Variants in GDPD5 observed in about 807,000 individuals in gnomAD.
GDPD5 encodes the protein glycerophosphodiester phosphodiesterase domain containing 5, also known as glycerophosphodiester phosphodiesterase 2.
Under a neutral mutation model 75.1 loss-of-function variants are expected in GDPD5, and 48 were observed. That is an observed-to-expected ratio of 0.64 (90% CI 0.51 to 0.81). GDPD5 has a LOEUF of 0.81. Among genes scored for constraint, GDPD5 ranks in the 40% least tolerant of loss-of-function variants. GDPD5 has a pLI of 0.00. For synonymous variants in GDPD5, 336 were observed against 339.0 expected (o/e 0.99, Z 0.10); for missense variants, 706 against 822.6 (o/e 0.86, Z 1.73).
intron 1 of GDPD5, among the ~76,000 whole-genome samples, chr11:75,497,288 G>T (rs190702220): frequency 2.4e-4 from 37 of 152,242 alleles, no homozygotes; most frequent in Admixed American, 2.2e-3. Context: ...CACACCAAGC[G>T]CATCATGTGA....
intron 1 of GDPD5, among the ~76,000 whole-genome samples, chr11:75,517,048 T>A (rs1270968497): frequency 1.3e-5 from 2 of 152,164 alleles, no homozygotes; most frequent in Non-Finnish European, 2.9e-5. Flanking sequence ...TCTTGGCCCA[T>A]CCTATGGAAC....
intron 13 of GDPD5, 104 bp downstream of exon 13, chr11:75,441,542 C>T: frequency 9.0e-7 from 1 of 1,112,764 alleles, no homozygotes; most frequent in Non-Finnish European, 1.2e-6. Flanking sequence ...CTCTGCCCGA[C>T]CGTGTGTGTG....
intron 4 of GDPD5, among the ~76,000 whole-genome samples, chr11:75,460,726 A>T (rs1949392723): frequency 1.3e-5 from 2 of 152,056 alleles, no homozygotes; most frequent in South Asian, 4.2e-4. Context: ...GATTACAGGC[A>T]TGAGTCATTG....
At chr11:75,499,478 T>C (rs1950267870) in intron 1 of GDPD5, among the ~76,000 whole-genome samples, 1 of 150,256 alleles carries the variant, frequency 6.7e-6, no homozygotes, top group Non-Finnish European at 1.5e-5. Context: ...AGTCTTCAAA[T>C]TCCTCTGGTT....
Position 75,441,765 on chromosome 11 carries a change from CCG to C in GDPD5, c.1204_1205del (p.Arg402GlufsTer74). 6.2e-7 allele frequency: 1 copy of C among 1,611,186 alleles called. No homozygotes were observed. The highest frequency in any genetic ancestry group is 8.5e-7 in the Non-Finnish European group (1 of 1,179,896). The part of the protein sequence containing the change: ...WLPSRQRPLV[R>X]KVAPGFQQTS... ...TCTGTTGGAAGCCGGGAGCCACCTT[CCG>C]CACCAGGGGCCTCTGCCTGCTAGGC... On this transcript the variant is annotated frameshift_variant, in exon 13 of 17. Transcript: ENST00000336898. LOFTEE classifies it high-confidence loss of function.
intron 1 of GDPD5, among the ~76,000 whole-genome samples, chr11:75,518,651 C>T (rs1950692959): frequency 6.6e-6 from 1 of 152,192 alleles, no homozygotes; most frequent in Admixed American, 6.5e-5. Flanking sequence ...GGATTTATTA[C>T]CCTGACCCCA....
intron 2 of GDPD5, among the ~76,000 whole-genome samples, chr11:75,481,275 A>G (rs1192711037): frequency 6.6e-6 from 1 of 152,236 alleles, no homozygotes; most frequent in Non-Finnish European, 1.5e-5. Context: ...TTCTACCACC[A>G]GGCCTCACTC....
At chr11:75,491,200 T>A (rs1225242202) in intron 1 of GDPD5, among the ~76,000 whole-genome samples, 1 of 152,082 alleles carries the variant, frequency 6.6e-6, no homozygotes, top group African/African-American at 2.4e-5. Flanking sequence ...CAGAGACAGC[T>A]CGGAAATGAC....
intron 1 of GDPD5, among the ~76,000 whole-genome samples, chr11:75,495,281 A>ACT: frequency 6.6e-6 from 1 of 150,478 alleles, no homozygotes; most frequent in Admixed American, 6.6e-5. Context: ...ACACACACAC[A>ACT]CACTATATAT....
intron 2 of GDPD5, among the ~76,000 whole-genome samples, chr11:75,487,844 T>G (rs1950045272): frequency 6.6e-6 from 1 of 152,210 alleles, no homozygotes. Flanking sequence ...GCTTAGCATC[T>G]CAGAACTCAA....
At chr11:75,502,680 C>G (rs548642548) in intron 1 of GDPD5, among the ~76,000 whole-genome samples, 1 of 152,328 alleles carries the variant, frequency 6.6e-6, no homozygotes, top group African/African-American at 2.4e-5. Flanking sequence ...TGAGGTGACA[C>G]TACGGCACTT....
chr11:75,488,848 C>T (rs954115146), intron 2 of GDPD5, among the ~76,000 whole-genome samples: 7 of 152,162 alleles, frequency 4.6e-5, no homozygotes, highest in Non-Finnish European at 7.4e-5. Flanking sequence ...GGAGCTTCCC[C>T]GGGTTCAGAC....
At chr11:75,475,291 C>A (rs1051624562) in intron 3 of GDPD5, among the ~76,000 whole-genome samples, 1 of 152,198 alleles carries the variant, frequency 6.6e-6, no homozygotes, top group South Asian at 2.1e-4. Flanking sequence ...GAGAATCCCC[C>A]CTGGGGCGGG....
rs752772755 is a variant in GDPD5 at position 75,441,174 on chromosome 11, G to C, written c.1462C>G (p.Leu488Val). Residue 488 changes from leucine to valine, a missense_variant, in exon 14 of 17, where the codon CTC becomes GTC. Transcript: ENST00000336898. ...SHALSQVPSPLWIMPPDEYCL... is the reference protein window; with the variant it reads ...SHALSQVPSPVWIMPPDEYCL... Reference sequence around the variant, plus strand: ...GCCCCCCAACTCACCATGATCCAGAGGGGGGAAGGCACCTGGGACAGGGCG... The same window carrying C: ...GCCCCCCAACTCACCATGATCCAGACGGGGGAAGGCACCTGGGACAGGGCG... 6.2e-7 allele frequency: 1 copy of C among 1,613,528 alleles called. No homozygotes were observed. Among genetic ancestry groups the C allele is most frequent in the African/African-American group, 1.3e-5 (1 of 74,922 alleles).
intron 1 of GDPD5, among the ~76,000 whole-genome samples, chr11:75,515,009 A>G (rs918692528): frequency 6.6e-6 from 1 of 152,196 alleles, no homozygotes; most frequent in African/African-American, 2.4e-5. Context: ...AGTTCCACTC[A>G]AGAGAGGCAG....
At chr11:75,477,823 G>A in intron 2 of GDPD5, 28 bp from the exon 3 acceptor site, 2 of 873,098 alleles carry the variant, frequency 2.3e-6, no homozygotes, top group East Asian at 5.3e-5. Context: ...GGGCAGTGAG[G>A]CAGGGGAAGG....
chr11:75,494,977 A>G (rs558589086), intron 1 of GDPD5, among the ~76,000 whole-genome samples: 8 of 151,574 alleles, frequency 5.3e-5, no homozygotes, highest in African/African-American at 1.7e-4. Context: ...AACAAAATAT[A>G]TATATATAGG....
intron 16 of GDPD5, 71 bp from the exon 17 acceptor site, chr11:75,435,726 C>T: frequency 6.7e-7 from 1 of 1,494,344 alleles, no homozygotes; most frequent in South Asian, 1.3e-5. Context: ...ACAGATGGGG[C>T]AGGAAGGCTG....
intron 3 of GDPD5, among the ~76,000 whole-genome samples, chr11:75,466,525 G>A (rs1949520163): frequency 1.3e-5 from 2 of 152,184 alleles, no homozygotes; most frequent in Admixed American, 1.3e-4. Context: ...CCTGCTCCCA[G>A]AGACGTGGAG....
Sources: gnomAD v4.1 joint callset for allele counts (sites outside exome capture counted in the v4.1 genomes callset) on GRCh38, gnomAD v4.1.1 for gene constraint, MANE v1.5 for transcripts, NCBI Gene and HGNC (gene_info 2026-07-23, HGNC 2026-07-21) for gene names.